TNFRSF8: variants seen among roughly 807,000 people sequenced by gnomAD.
The protein encoded by TNFRSF8 is tumor necrosis factor receptor superfamily member 8.
TNFRSF8 carries 26 observed loss-of-function variants against 70.8 expected under a neutral mutation model. The observed-to-expected ratio is 0.37, with a 90% CI of 0.27 to 0.51. The LOEUF (loss-of-function observed/expected upper bound fraction) is 0.51. Ranked by LOEUF, TNFRSF8 falls within the 20% of genes least tolerant of loss-of-function variation. The probability of loss-of-function intolerance (pLI) is 0.94; values close to 1 mark genes in which losing one functional copy is unlikely to be tolerated. For synonymous variants in TNFRSF8, 356 were observed against 339.2 expected (o/e 1.05, Z -0.54); for missense variants, 720 against 807.9 (o/e 0.89, Z 1.32).
At chr1:12,104,987 A>G (rs1194870991) in intron 4 of TNFRSF8, among the ~76,000 whole-genome samples, 1 of 152,132 alleles carries the variant, frequency 6.6e-6, no homozygotes, top group East Asian at 1.9e-4. Context: ...TTATCGTGTG[A>G]CCTCAGACAA....
chr1:12,107,374 G>A (rs12744615), intron 4 of TNFRSF8, among the ~76,000 whole-genome samples: 13,371 of 151,286 alleles, frequency 0.088, 806 homozygotes, highest in Non-Finnish European at 0.12. Flanking sequence ...CAACCTGGGC[G>A]ACAGAGTTAG....
rs77688579 is a variant in TNFRSF8 at position 12,113,981 on chromosome 1, A to C, written c.794-1596A>C. 0.011 allele frequency among the ~76,000 whole-genome samples: 1,633 copies of C among 152,292 alleles called. 39 individuals carry two copies. Among genetic ancestry groups the C allele is most frequent in the African/African-American group, 0.038 (1,569 of 41,564 alleles). On this transcript the variant is annotated intron_variant, in intron 7 of 14. Coordinates refer to ENST00000263932, the MANE Select transcript of TNFRSF8 (RefSeq NM_001243.5). The surrounding 1 kb of genome is among the most constrained non-coding windows in gnomAD (Gnocchi z 4.9). ...CATCACTGCAGCCATGTTTTGGGGA[A>C]ATACAGTCTGCCACAACCACCATGT...
chr1:12,100,819 C>T (rs771583237), intron 3 of TNFRSF8, among the ~76,000 whole-genome samples: 3 of 152,002 alleles, frequency 2.0e-5, no homozygotes, highest in Admixed American at 6.6e-5. Context: ...TAGCCGGGCA[C>T]GTTGGCATGC....
chr1:12,069,201 G>A (rs1237836996), intron 1 of TNFRSF8, among the ~76,000 whole-genome samples: 1 of 86,246 alleles, frequency 1.2e-5, no homozygotes, highest in African/African-American at 4.5e-5. Context: ...TTTTTTTGAT[G>A]GAGTTTCGCT....
intron 1 of TNFRSF8, among the ~76,000 whole-genome samples, chr1:12,070,232 TG>T (rs1640818573): frequency 6.6e-6 from 1 of 151,362 alleles, no homozygotes; most frequent in African/African-American, 2.4e-5. Flanking sequence ...TGAGCAGAGG[TG>T]GGAATGTGCT....
chr1:12,135,498 A>G (rs1642128840), intron 12 of TNFRSF8, 90 bp from the exon 13 acceptor site: 1 of 1,456,560 alleles, frequency 6.9e-7, no homozygotes, highest in Admixed American at 1.9e-5. Flanking sequence ...ACCACCTGTG[A>G]TCCAGGAGGA....
At chr1:12,098,896 T>G (rs1354802314) in intron 3 of TNFRSF8, among the ~76,000 whole-genome samples, 1 of 152,212 alleles carries the variant, frequency 6.6e-6, no homozygotes, top group Admixed American at 6.5e-5. Flanking sequence ...TACACAAATT[T>G]TACTTTGTCA....
intron 1 of TNFRSF8, among the ~76,000 whole-genome samples, chr1:12,083,974 C>T (rs1217118288): frequency 1.3e-5 from 2 of 151,970 alleles, no homozygotes; most frequent in African/African-American, 2.4e-5. Context: ...TGGCAAGGTC[C>T]CATTTGATGA....
chr1:12,111,328 C>T (rs611486), intron 6 of TNFRSF8, among the ~76,000 whole-genome samples: 2,643 of 152,088 alleles, frequency 0.017, 77 homozygotes, highest in African/African-American at 0.06. Context: ...ATTACAGGCG[C>T]CTGCCACCAC....
chr1:12,071,684 C>T (rs143301785), intron 1 of TNFRSF8, among the ~76,000 whole-genome samples: 1,672 of 151,880 alleles, frequency 0.011, 26 homozygotes, highest in African/African-American at 0.038. Flanking sequence ...CTGCCTCAGC[C>T]TCCCAAGTAG....
intron 1 of TNFRSF8, 116 bp from the exon 2 acceptor site, chr1:12,084,348 C>T (rs1641115939): frequency 1.1e-6 from 1 of 916,862 alleles, no homozygotes. Context: ...AGTTCTCGTC[C>T]TGATTTCTCT....
At chr1:12,114,611 C>T (rs749377872) in intron 7 of TNFRSF8, among the ~76,000 whole-genome samples, 2 of 150,668 alleles carry the variant, frequency 1.3e-5, no homozygotes, top group South Asian at 2.1e-4. Context: ...AAAATATTCC[C>T]GAATACGTAC....
rs575706586 is a variant in TNFRSF8 at position 12,130,641 on chromosome 1, G to A, written c.1309+4405G>A. Among the ~76,000 whole-genome samples, 33 of 152,350 alleles carry A rather than the reference G, an allele frequency of 2.2e-4. 2 individuals are homozygous for A. In the South Asian group the frequency reaches 6.6e-3, roughly 31 times the overall value. The stretch of plus-strand genomic sequence containing the variant: ...GAGAATAACAGGGATGGAAGGGACC[G>A]AGAGCTTTACATCGCATGTGAGAAC... On this transcript the variant is annotated intron_variant, in intron 12 of 14. Transcript: ENST00000263932.
chr1:12,087,074 TATCCATCCATCC>T (rs57832338), intron 2 of TNFRSF8, among the ~76,000 whole-genome samples: 3,298 of 115,308 alleles, frequency 0.029, 222 homozygotes, highest in Admixed American at 0.16. Flanking sequence ...TCTACCTTTC[TATCCATCCATCC>T]ATCCATCCAT....
chr1:12,133,100 C>A (rs1389086051), intron 12 of TNFRSF8, among the ~76,000 whole-genome samples: 1 of 152,124 alleles, frequency 6.6e-6, no homozygotes, highest in African/African-American at 2.4e-5. Flanking sequence ...TATAAACCCG[C>A]TGCTGTGCTC....
chr1:12,114,627 C>T (rs1294804280), intron 7 of TNFRSF8, among the ~76,000 whole-genome samples: 1 of 144,896 alleles, frequency 6.9e-6, no homozygotes, highest in Non-Finnish European at 1.5e-5. Flanking sequence ...CGTACAAATG[C>T]ATTATTACAC....
chr1:12,102,351 C>T (rs1013260479), intron 3 of TNFRSF8, among the ~76,000 whole-genome samples: 2 of 152,200 alleles, frequency 1.3e-5, no homozygotes, highest in Admixed American at 1.3e-4. Flanking sequence ...CCCCCTTCTT[C>T]AGAGAGTCCC....
chr1:12,069,420 C>A (rs1292171106), intron 1 of TNFRSF8, among the ~76,000 whole-genome samples: 1 of 150,768 alleles, frequency 6.6e-6, no homozygotes. Context: ...CTCAGACGAG[C>A]CCCCCCGCCT....
chr1:12,069,797 T>C (rs1409324235), intron 1 of TNFRSF8, among the ~76,000 whole-genome samples: 2 of 152,250 alleles, frequency 1.3e-5, no homozygotes, highest in Admixed American at 6.5e-5. Context: ...AACAGACTGC[T>C]GCTAGTTGCA....
Sources: allele counts gnomAD v4.1 joint callset (sites outside exome capture counted in the v4.1 genomes callset), GRCh38; gene constraint gnomAD v4.1.1; non-coding constraint Gnocchi (gnomAD v3.1); transcripts MANE v1.5; gene names NCBI Gene and HGNC (gene_info 2026-07-23, HGNC 2026-07-21).